Variants in WWOX observed in about 807,000 individuals in gnomAD.
The protein encoded by WWOX is WW domain-containing oxidoreductase.
A neutral mutation model predicts 46.2 loss-of-function variants in WWOX; 69 were observed. The ratio of observed to expected loss-of-function variants is 1.49; its 90% CI spans 1.23 to 1.82. The LOEUF (loss-of-function observed/expected upper bound fraction) is 1.82, where lower values mean the gene tolerates loss of function less well. WWOX is among the 40% of genes most tolerant of loss of function. The pLI is 0.00. For synonymous variants in WWOX, 359 were observed against 202.6 expected (o/e 1.77, Z -6.56); for missense variants, 919 against 542.6 (o/e 1.69, Z -6.89).
chr16:79,173,710 A>G (rs757692979), intron 8 of WWOX, among the ~76,000 whole-genome samples: 6 of 152,196 alleles, frequency 3.9e-5, no homozygotes, highest in Non-Finnish European at 8.8e-5. Context: ...GAATGATTCC[A>G]TAAATCATAG....
chr16:78,418,414 A>G (rs879366451), intron 6 of WWOX, among the ~76,000 whole-genome samples: 5 of 152,096 alleles, frequency 3.3e-5, no homozygotes, highest in Admixed American at 6.6e-5. Context: ...AAACTCTTTT[A>G]AAAAAACAGA....
At position 78,228,062 on chromosome 16, in the gene WWOX, C is replaced by G. The variant is rs144934095; in HGVS notation, c.516+63773C>G. Among the ~76,000 whole-genome samples the G allele has an allele frequency of 1.7e-3, 259 of 152,036 alleles. 4 individuals carry two copies. Among genetic ancestry groups the G allele is most frequent in the African/African-American group, 5.9e-3 (244 of 41,524 alleles). On this transcript the variant is annotated intron_variant, in intron 5 of 8. Coordinates refer to ENST00000566780, the MANE Select transcript of WWOX (RefSeq NM_016373.4). ...TTATGGTCATCAAACAGCACCTGCC[C>G]AGGGCTATGGGGAGAGGAAGCTGGT... is the stretch of plus-strand genomic sequence containing the variant.
intron 4 of WWOX, among the ~76,000 whole-genome samples, chr16:78,151,204 C>T (rs2034394660): frequency 6.6e-6 from 1 of 152,068 alleles, no homozygotes; most frequent in African/African-American, 2.4e-5. Flanking sequence ...GAGCTCTGTG[C>T]CAGGAACCTG....
At chr16:78,990,322 G>T (rs1466035034) in intron 8 of WWOX, among the ~76,000 whole-genome samples, 2 of 152,068 alleles carry the variant, frequency 1.3e-5, no homozygotes, top group Non-Finnish European at 2.9e-5. Flanking sequence ...CTAAGTCATG[G>T]GCTCTGCAAG....
chr16:78,697,291 A>T (rs2048120492), intron 8 of WWOX, among the ~76,000 whole-genome samples: 1 of 152,196 alleles, frequency 6.6e-6, no homozygotes, highest in African/African-American at 2.4e-5. Flanking sequence ...GCAGTGTAGA[A>T]GTGTTCCCTG....
chr16:78,531,987 A>G (rs571573843), intron 8 of WWOX, among the ~76,000 whole-genome samples: 31 of 152,106 alleles, frequency 2.0e-4, no homozygotes, highest in African/African-American at 7.0e-4. Flanking sequence ...TAATAAACAA[A>G]TAAGTTTTGG....
At chr16:78,943,301 G>A (rs922119980) in intron 8 of WWOX, among the ~76,000 whole-genome samples, 1 of 147,504 alleles carries the variant, frequency 6.8e-6, no homozygotes, top group African/African-American at 2.7e-5. Context: ...AATGAGGTAC[G>A]CTAAACGAGT....
chr16:78,549,167 G>C (rs533003251), intron 8 of WWOX, among the ~76,000 whole-genome samples: 1 of 152,134 alleles, frequency 6.6e-6, no homozygotes, highest in African/African-American at 2.4e-5. Flanking sequence ...AGAGATTGCC[G>C]GTCGTAAAGG....
intron 8 of WWOX, among the ~76,000 whole-genome samples, chr16:79,137,662 C>G: frequency 6.6e-6 from 1 of 152,124 alleles, no homozygotes; most frequent in African/African-American, 2.4e-5. Flanking sequence ...AAGAAATGGG[C>G]TGCTTCTCTT....
intron 8 of WWOX, among the ~76,000 whole-genome samples, chr16:78,568,101 A>C (rs1421953670): frequency 6.6e-6 from 1 of 152,148 alleles, no homozygotes; most frequent in African/African-American, 2.4e-5. Flanking sequence ...CGTCGTAAAA[A>C]TCCGTGCGGA....
At chr16:78,638,983 C>T (rs2046640405) in intron 8 of WWOX, among the ~76,000 whole-genome samples, 1 of 152,046 alleles carries the variant, frequency 6.6e-6, no homozygotes, top group African/African-American at 2.4e-5. Flanking sequence ...GCTTAATTTC[C>T]TAAAGGCTTA....
intron 6 of WWOX, among the ~76,000 whole-genome samples, chr16:78,402,284 C>T (rs758312891): frequency 6.6e-6 from 1 of 152,078 alleles, no homozygotes; most frequent in Non-Finnish European, 1.5e-5. Context: ...TCTAGAGGTT[C>T]ATTTATGTTA....
intron 8 of WWOX, among the ~76,000 whole-genome samples, chr16:78,660,973 C>T (rs527376236): frequency 6.6e-6 from 1 of 152,122 alleles, no homozygotes; most frequent in Non-Finnish European, 1.5e-5. Flanking sequence ...TTAATATATT[C>T]ATTCCTATTT....
intron 8 of WWOX, among the ~76,000 whole-genome samples, chr16:78,802,934 AAAAAAAAAC>A (rs1407107970): frequency 3.0e-5 from 3 of 100,216 alleles, no homozygotes; most frequent in African/African-American, 8.8e-5. Context: ...AAAAAAAAAA[AAAAAAAAAC>A]AACAAACAGA....
At chr16:78,680,338 G>T (rs2047699827) in intron 8 of WWOX, among the ~76,000 whole-genome samples, 1 of 152,056 alleles carries the variant, frequency 6.6e-6, no homozygotes, top group African/African-American at 2.4e-5. Context: ...GAGCCCAGGA[G>T]TTCAAGACCA....
chr16:78,549,504 T>C (rs1369526958), intron 8 of WWOX, among the ~76,000 whole-genome samples: 1 of 152,200 alleles, frequency 6.6e-6, no homozygotes, highest in African/African-American at 2.4e-5. Context: ...CGACCATTAA[T>C]CATGCTATCT....
intron 8 of WWOX, among the ~76,000 whole-genome samples, chr16:78,789,965 C>T (rs759267306): frequency 6.6e-6 from 1 of 152,160 alleles, no homozygotes; most frequent in Admixed American, 6.5e-5. Flanking sequence ...CCTCTCCAAG[C>T]CTCAGTTTCC....
chr16:78,804,908 T>G (rs2050989430), intron 8 of WWOX, among the ~76,000 whole-genome samples: 1 of 152,226 alleles, frequency 6.6e-6, no homozygotes, highest in African/African-American at 2.4e-5. Flanking sequence ...AATCTAAATT[T>G]CCTCCAAACT....
intron 5 of WWOX, among the ~76,000 whole-genome samples, chr16:78,198,904 A>T (rs1437452772): frequency 6.6e-6 from 1 of 151,384 alleles, no homozygotes; most frequent in African/African-American, 2.4e-5. Context: ...GGAGTTCTTT[A>T]CTCCCTTTCT....
Sources: gnomAD v4.1 joint callset for allele counts (sites outside exome capture counted in the v4.1 genomes callset) on GRCh38, gnomAD v4.1.1 for gene constraint, MANE v1.5 for transcripts, NCBI Gene and HGNC (gene_info 2026-07-23, HGNC 2026-07-21) for gene names.